ITPR1: variants seen among roughly 807,000 people sequenced by gnomAD.
The protein encoded by ITPR1 is inositol 1,4,5-trisphosphate receptor type 1, also known as inositol 1,4,5-trisphosphate-gated calcium channel ITPR1.
ITPR1 carries 96 observed loss-of-function variants against 318.4 expected under a neutral mutation model. The observed-to-expected ratio is 0.30, with a 90% CI of 0.26 to 0.36. The LOEUF (loss-of-function observed/expected upper bound fraction) is 0.36. ITPR1 is among the 10% of genes least tolerant of loss of function. ITPR1 has a pLI of 1.00. For missense variants in ITPR1, 2,440 were observed against 3,460.2 expected, an observed-to-expected ratio of 0.71 and a Z score of 7.40; for synonymous variants, 1,312 against 1,289.9, an observed-to-expected ratio of 1.02 and a Z score of -0.37.
intron 4 of ITPR1, among the ~76,000 whole-genome samples, chr3:4,546,727 G>A (rs2085046042): frequency 6.7e-6 from 1 of 150,012 alleles, no homozygotes; most frequent in Non-Finnish European, 1.5e-5. Flanking sequence ...TTCAAATTCA[G>A]TGACATAAAC....
At chr3:4,767,500 AGGCACTGTTCAAC>A (rs1359780302) in intron 45 of ITPR1, among the ~76,000 whole-genome samples, 4 of 152,228 alleles carry the variant, frequency 2.6e-5, no homozygotes, top group African/African-American at 9.6e-5. Context: ...ACTAGGAATC[AGGCACTGTTCAAC>A]GTTCTTTTTT....
intron 60 of ITPR1, among the ~76,000 whole-genome samples, chr3:4,823,070 C>G (rs2049832476): frequency 6.6e-6 from 1 of 152,158 alleles, no homozygotes; most frequent in African/African-American, 2.4e-5. Context: ...TGCCTTTGCT[C>G]TAGTGCCAAC....
At chr3:4,568,545 C>T (rs2087629428) in intron 4 of ITPR1, among the ~76,000 whole-genome samples, 1 of 152,088 alleles carries the variant, frequency 6.6e-6, no homozygotes, top group Non-Finnish European at 1.5e-5. Context: ...GGAGGTGTGT[C>T]TGGGCTAAGA....
Position 4,685,051 on chromosome 3 carries a change from T to C in ITPR1, c.3565-18T>C, listed in dbSNP as rs2094368083. 6 of 1,603,932 alleles carry C rather than the reference T, an allele frequency of 3.7e-6. No homozygotes were observed. The highest frequency in any genetic ancestry group is 5.1e-6 in the Non-Finnish European group (6 of 1,174,710). On this transcript the variant is annotated intron_variant, in intron 29 of 61. Transcript: ENST00000649015. ...ATAGTTCCTAGTTTTCTGAGACTGA[T>C]TTCTTTCATTCTACTAGATTTTGAT...
chr3:4,749,597 A>T (rs184113636), intron 44 of ITPR1: 4 of 152,326 alleles, frequency 2.6e-5, no homozygotes, highest in Non-Finnish European at 5.9e-5. Flanking sequence ...ACTTCGCATT[A>T]TCTGTTTGAA....
chr3:4,721,243 T>C (rs1575008183), intron 40 of ITPR1, among the ~76,000 whole-genome samples: 1 of 149,092 alleles, frequency 6.7e-6, no homozygotes, highest in South Asian at 2.1e-4. Flanking sequence ...TGAAGTTGTA[T>C]AATTTGGTCA....
chr3:4,831,131 TCACA>T (rs57966467), intron 60 of ITPR1: 1 of 332,532 alleles, frequency 3.0e-6, no homozygotes, highest in African/African-American at 2.6e-5. Context: ...TCTCTCTCTC[TCACA>T]CACACACACA....
chr3:4,827,714 C>G (rs1309816782), intron 60 of ITPR1, among the ~76,000 whole-genome samples: 1 of 152,006 alleles, frequency 6.6e-6, no homozygotes, highest in Non-Finnish European at 1.5e-5. Context: ...GATAGGAGTT[C>G]GTGAAATATG....
At chr3:4,820,081 C>T (rs2049590106) in intron 60 of ITPR1, among the ~76,000 whole-genome samples, 3 of 152,180 alleles carry the variant, frequency 2.0e-5, no homozygotes, top group Admixed American at 2.0e-4. Context: ...TGATGGGTGC[C>T]AGTGTGGATT....
Position 4,679,928 on chromosome 3 carries a change from C to T in ITPR1, c.2968-625C>T, listed in dbSNP as rs377739528. ...AGGCTAAGCAGAGACAAGGGGAGAA[C>T]GGAAGGAAGAACGTGAGTGAGATCC... On this transcript the variant is annotated intron_variant, in intron 24 of 61. Coordinates refer to ENST00000649015, the MANE Select transcript of ITPR1 (RefSeq NM_001378452.1). Among the ~76,000 whole-genome samples the T allele has an allele frequency of 6.6e-5, 10 of 152,186 alleles. No individual in the cohort carries two copies. The South Asian group carries it at 1.5e-3, about 22-fold the overall frequency.
At chr3:4,783,675 G>A in intron 50 of ITPR1, 141 bp from the exon 51 acceptor site, 2 of 699,862 alleles carry the variant, frequency 2.9e-6, no homozygotes, top group Non-Finnish European at 5.1e-6. Flanking sequence ...GTGATGGGAT[G>A]GAGCAAGCCT....
At chr3:4,661,602 G>A (rs2093834328) in intron 14 of ITPR1, among the ~76,000 whole-genome samples, 2 of 152,192 alleles carry the variant, frequency 1.3e-5, no homozygotes, top group Non-Finnish European at 2.9e-5. Flanking sequence ...CAAGTGGAAG[G>A]ATGCTCTCAT....
At chr3:4,723,615 A>G (rs1000685659) in intron 40 of ITPR1, among the ~76,000 whole-genome samples, 1 of 151,716 alleles carries the variant, frequency 6.6e-6, no homozygotes. Flanking sequence ...AGAATTCAAG[A>G]TGCTTCTCTG....
At chr3:4,784,726 CAAAAAA>C (rs34856837) in intron 51 of ITPR1, among the ~76,000 whole-genome samples, 4 of 109,504 alleles carry the variant, frequency 3.7e-5, no homozygotes, top group African/African-American at 7.1e-5. Flanking sequence ...ACTAAAAATA[CAAAAAA>C]AAAAAAAAAA....
chr3:4,664,499 G>A (rs1432790540), intron 16 of ITPR1, among the ~76,000 whole-genome samples: 1 of 152,168 alleles, frequency 6.6e-6, no homozygotes, highest in Non-Finnish European at 1.5e-5. Flanking sequence ...TTTCATGTTG[G>A]TCTATGATAG....
At chr3:4,841,428 C>T (rs770015340) in intron 61 of ITPR1, among the ~76,000 whole-genome samples, 7 of 152,216 alleles carry the variant, frequency 4.6e-5, no homozygotes, top group South Asian at 2.1e-4. Context: ...ATGGCATGCT[C>T]AAGGAATGGC....
intron 4 of ITPR1, among the ~76,000 whole-genome samples, chr3:4,567,628 C>T (rs2087472566): frequency 1.3e-5 from 2 of 151,010 alleles, no homozygotes; most frequent in East Asian, 3.9e-4. Flanking sequence ...TTTTTTGAGA[C>T]GGGGTCTTAC....
In ITPR1 at chr3:4,494,995, G is replaced by A. The variant is rs199687022; in HGVS notation, c.-17+489G>A. Among the ~76,000 whole-genome samples, 118 of 152,280 alleles carry A rather than the reference G, an allele frequency of 7.7e-4. 1 individual carries two copies. Among genetic ancestry groups the A allele is most frequent in the East Asian group, 5.8e-4 (3 of 5,190 alleles). ...TTGAAAGAATTAGAACTTTAAAAAG[G>A]GAAGTGAGTTATTGAAGCTTAAGGT... On this transcript the variant is annotated intron_variant, in intron 2 of 61. Transcript: ENST00000649015.
intron 18 of ITPR1, among the ~76,000 whole-genome samples, chr3:4,669,025 A>C (rs183729543): frequency 1.6e-3 from 250 of 152,318 alleles, no homozygotes; most frequent in African/African-American, 5.7e-3. Flanking sequence ...GGGTGTCACA[A>C]ATGATTACAA....
Sources: gnomAD v4.1 joint callset for allele counts (sites outside exome capture counted in the v4.1 genomes callset) on GRCh38, gnomAD v4.1.1 for gene constraint, MANE v1.5 for transcripts, NCBI Gene and HGNC (gene_info 2026-07-23, HGNC 2026-07-21) for gene names.